TBXAS1: variants seen among roughly 807,000 people sequenced by gnomAD.
The protein encoded by TBXAS1 is thromboxane A synthase 1.
TBXAS1 carries 48 observed loss-of-function variants against 60.7 expected under a neutral mutation model. That is an observed-to-expected ratio of 0.79 (90% confidence interval 0.63 to 1.01). The LOEUF is 1.01. Among genes scored for constraint, TBXAS1 ranks in the 50% least tolerant of loss-of-function variants. TBXAS1 has a pLI of 0.00. For missense variants in TBXAS1, 685 were observed against 686.3 expected (o/e 1.00, Z 0.02); for synonymous variants, 287 against 269.7 (o/e 1.06, Z -0.63).
At chr7:139,942,425 CAAT>C (rs1808363293) in intron 5 of TBXAS1, among the ~76,000 whole-genome samples, 1 of 152,206 alleles carries the variant, frequency 6.6e-6, no homozygotes, top group South Asian at 2.1e-4. Flanking sequence ...GTCTCTTGAG[CAAT>C]TATCCTTTGC....
At chr7:139,933,311 A>G (rs932839952) in intron 4 of TBXAS1, among the ~76,000 whole-genome samples, 3 of 152,178 alleles carry the variant, frequency 2.0e-5, no homozygotes, top group African/African-American at 7.2e-5. Context: ...ACGAGATCCA[A>G]TCAGCCTTCA....
At chr7:139,972,596 C>T (rs1811286558) in intron 9 of TBXAS1, among the ~76,000 whole-genome samples, 1 of 152,120 alleles carries the variant, frequency 6.6e-6, no homozygotes, top group Non-Finnish European at 1.5e-5. Flanking sequence ...AAGTCGCTTT[C>T]ACACCAGTGG....
intron 10 of TBXAS1, among the ~76,000 whole-genome samples, chr7:140,010,213 G>A (rs1351305082): frequency 6.6e-6 from 1 of 152,106 alleles, no homozygotes; most frequent in African/African-American, 2.4e-5. Context: ...TTCTCACCCA[G>A]ACCAGAGGAC....
chr7:139,980,716 A>G (rs1050752333), intron 9 of TBXAS1, among the ~76,000 whole-genome samples: 21 of 151,698 alleles, frequency 1.4e-4, no homozygotes, highest in African/African-American at 4.6e-4. Flanking sequence ...TCTTACCTGC[A>G]CAGGCCTCAC....
At position 139,875,571 on chromosome 7, in the gene TBXAS1, T is replaced by G; in HGVS notation, c.184-14T>G. The G allele has an allele frequency of 1.9e-6, 3 of 1,613,092 alleles. No individual in the cohort carries two copies. Among genetic ancestry groups the G allele is most frequent in the Non-Finnish European group, 2.5e-6 (3 of 1,179,066 alleles). On this transcript the variant is annotated splice_polypyrimidine_tract_variant and intron_variant, in intron 2 of 12. Transcript: ENST00000448866. ...CTTAATCTTATTCTTACTATAGTGC[T>G]GTGTTTCCTTCAGGGTTTTTGGGAA...
intron 4 of TBXAS1, among the ~76,000 whole-genome samples, chr7:139,820,138 C>T (rs553864295): frequency 6.6e-6 from 1 of 152,200 alleles, no homozygotes; most frequent in Admixed American, 6.5e-5. Flanking sequence ...CTGTTCCAGG[C>T]ACCAACTTGC....
At chr7:139,835,176 C>T (rs1444479373) in intron 1 of TBXAS1, among the ~76,000 whole-genome samples, 1 of 151,780 alleles carries the variant, frequency 6.6e-6, no homozygotes, top group Non-Finnish European at 1.5e-5. Context: ...ATGCCATTCT[C>T]CTGCCTCAGC....
intron 9 of TBXAS1, among the ~76,000 whole-genome samples, chr7:139,998,006 A>T (rs537950836): frequency 6.6e-6 from 1 of 152,356 alleles, no homozygotes; most frequent in East Asian, 1.9e-4. Flanking sequence ...GGATGGATAA[A>T]TCGGGGCAGC....
At position 140,013,620 on chromosome 7, in the gene TBXAS1, G is replaced by A. The variant is rs1006311447; in HGVS notation, c.1227-2103G>A. 6.6e-6 allele frequency among the ~76,000 whole-genome samples: 1 copy of A among 152,198 alleles called. No individual in the cohort carries two copies. The highest frequency in any genetic ancestry group is 2.4e-5 in the African/African-American group (1 of 41,450). ...AACGGCTCTCACTGGCAGGCCTCACGGAGGAGACCCAAGCTGGGGGACTGG... is the reference window on the plus strand; with the variant it reads ...AACGGCTCTCACTGGCAGGCCTCACAGAGGAGACCCAAGCTGGGGGACTGG... On this transcript the variant is annotated intron_variant, in intron 10 of 12. Coordinates refer to ENST00000448866, the MANE Select transcript of TBXAS1 (RefSeq NM_001061.7). This position sits in a 1 kb window ranked among gnomAD's most constrained non-coding sequence, Gnocchi z 4.2.
chr7:139,832,747 T>A (rs1798790904), intron 1 of TBXAS1, among the ~76,000 whole-genome samples: 1 of 152,224 alleles, frequency 6.6e-6, no homozygotes, highest in Non-Finnish European at 1.5e-5. Context: ...ACCTATCAGA[T>A]GAACTGAAGA....
rs140690850 is a variant in TBXAS1 at position 139,985,197 on chromosome 7, T to G, written c.1135-21894T>G. ...GTGTCTTCCATCCATGGTTTCAAAC[T>G]CTGGGACCCCAAAGCACAGTGGCCC... On this transcript the variant is annotated intron_variant, in intron 9 of 12. Coordinates refer to ENST00000448866, the MANE Select transcript of TBXAS1 (RefSeq NM_001061.7). Among the ~76,000 whole-genome samples the G allele has an allele frequency of 3.4e-3, 516 of 152,364 alleles. 4 individuals carry two copies. Among genetic ancestry groups the G allele is most frequent in the Middle Eastern group, 0.02 (6 of 294 alleles).
intron 9 of TBXAS1, among the ~76,000 whole-genome samples, chr7:139,980,817 C>T (rs1189551648): frequency 4.6e-5 from 7 of 151,856 alleles, no homozygotes; most frequent in Non-Finnish European, 7.4e-5. Context: ...ACTTGGCTTC[C>T]GGTCTGCCTC....
chr7:139,851,505 C>T (rs1386398605), intron 1 of TBXAS1, among the ~76,000 whole-genome samples: 3 of 152,242 alleles, frequency 2.0e-5, no homozygotes, highest in East Asian at 1.9e-4. Context: ...TTTTATCCAC[C>T]CCAGGGTGAA....
intron 9 of TBXAS1, among the ~76,000 whole-genome samples, chr7:139,988,321 C>T (rs867032666): frequency 6.6e-6 from 1 of 152,266 alleles, no homozygotes. Context: ...CGAGCGCCTC[C>T]ACCTGCCCCG....
Position 139,953,469 on chromosome 7 carries a change from C to A in TBXAS1, c.539+13C>A. On this transcript the variant is annotated intron_variant, in intron 6 of 12. Coordinates refer to ENST00000448866, the MANE Select transcript of TBXAS1 (RefSeq NM_001061.7). ...TTGACATCCAGAGGTAAGGCTGCTG[C>A]ATTACAGATGAGAAATCGAGTTTTT... 6.2e-7 allele frequency: 1 copy of A among 1,612,920 alleles called. No homozygotes were observed. Among genetic ancestry groups the A allele is most frequent in the African/African-American group, 1.3e-5 (1 of 75,018 alleles).
chr7:139,892,389 G>A (rs1394831398), intron 3 of TBXAS1, among the ~76,000 whole-genome samples: 3 of 152,066 alleles, frequency 2.0e-5, no homozygotes, highest in Admixed American at 6.5e-5. Context: ...TCAGGAGTTC[G>A]AGACCAGCCT....
At chr7:139,913,168 A>G (rs1315681410) in intron 4 of TBXAS1, 2 of 702,200 alleles carry the variant, frequency 2.8e-6, no homozygotes, top group South Asian at 3.0e-5. Context: ...AGGATGGCCG[A>G]AGGAATTGCA....
Position 140,020,029 on chromosome 7 carries a change from C to T in TBXAS1, c.1532C>T (p.Pro511Leu), listed in dbSNP as rs13306050. 2.6e-3 allele frequency: 4,118 copies of T among 1,613,474 alleles called. 159 individuals carry two copies. The East Asian group carries it at 0.074, about 29-fold the overall frequency. The change falls in exon 13 of 13, where the codon CCG (proline) becomes CTG (leucine). Residue 511 changes from proline (P) to leucine (L), a missense_variant. By Grantham distance (98) the Pro-to-Leu change is moderately conservative. Transcript: ENST00000448866. ...TTTTAATTTTCTCTATTTTAGGTACCGCTGCAGCTAGAATCCAAATCTGCC... is the reference window on the plus strand; with the variant it reads ...TTTTAATTTTCTCTATTTTAGGTACTGCTGCAGCTAGAATCCAAATCTGCC... ...RFQACPETQV[P>L]LQLESKSALG...
rs1248705370 is a variant in TBXAS1, at chr7:139,955,537, G to A, written c.618G>A (p.Glu206=). 1 of 1,614,216 alleles carries A rather than the reference G, an allele frequency of 6.2e-7. No homozygotes were observed. Among genetic ancestry groups the A allele is most frequent in the African/African-American group, 1.3e-5 (1 of 75,058 alleles). ...CGGTGGACTCCTGGCAGGCCCCTGA[G>A]GATCCCTTTGTGAAACACTGCAAGC... ...GTPVDSWQAP[E]DPFVKHCKRF... is the part of the protein sequence containing the mutation. Residue 206 remains glutamate (E), a synonymous_variant, in exon 7 of 13, where the codon GAG becomes GAA. Coordinates refer to ENST00000448866, the MANE Select transcript of TBXAS1 (RefSeq NM_001061.7).
Sources: gnomAD v4.1 joint callset for allele counts (sites outside exome capture counted in the v4.1 genomes callset) on GRCh38, gnomAD v4.1.1 for gene constraint, Gnocchi (gnomAD v3.1) non-coding constraint, MANE v1.5 for transcripts, NCBI Gene and HGNC (gene_info 2026-07-23, HGNC 2026-07-21) for gene names.